GRID2: variants seen among roughly 807,000 people sequenced by gnomAD.
GRID2 encodes the protein glutamate receptor ionotropic, delta-2.
In GRID2, 33 loss-of-function variants were observed where a neutral mutation model predicts 114.8. The observed-to-expected ratio is 0.29, with a 90% confidence interval of 0.22 to 0.38. The LOEUF (loss-of-function observed/expected upper bound fraction) is 0.38. GRID2 is among the 10% of genes least tolerant of loss of function. GRID2 has a pLI of 1.00. For synonymous variants in GRID2, 505 were observed against 449.9 expected (o/e 1.12, Z -1.55); for missense variants, 1,184 against 1,257.7 (o/e 0.94, Z 0.89).
At chr4:92,495,188 T>C (rs557810681) in intron 1 of GRID2, among the ~76,000 whole-genome samples, 19 of 152,114 alleles carry the variant, frequency 1.2e-4, no homozygotes, top group Non-Finnish European at 2.1e-4. Context: ...TTTCTTCAGT[T>C]TCTTAACCAT....
chr4:92,716,285 A>G (rs191635263), intron 2 of GRID2, among the ~76,000 whole-genome samples: 78 of 152,202 alleles, frequency 5.1e-4, no homozygotes, highest in African/African-American at 1.9e-3. Context: ...AAAGACTTTC[A>G]TTTTTTAGCC....
In GRID2 at chr4:92,417,465, G is replaced by A. The variant is rs972421083; in HGVS notation, c.88+112721G>A. Among the ~76,000 whole-genome samples, 3 of 152,068 alleles carry A rather than the reference G, an allele frequency of 2.0e-5. No individual in the cohort carries two copies. In the East Asian group the frequency reaches 5.8e-4, roughly 29 times the overall value. ...AGCTCATAAGGCTCATAAGGATTCA[G>A]ATAGGGAAAATATAAAGCAATTACC... On this transcript the variant is annotated intron_variant, in intron 1 of 15. Transcript: ENST00000282020.
At chr4:92,609,476 G>T (rs1474491651) in intron 2 of GRID2, among the ~76,000 whole-genome samples, 2 of 151,356 alleles carry the variant, frequency 1.3e-5, no homozygotes, top group African/African-American at 4.8e-5. Flanking sequence ...TCATGATGAT[G>T]GTGAGGTGCC....
rs951700761 is a variant in GRID2 at position 92,687,689 on chromosome 4, C to A, written c.244+97403C>A. On this transcript the variant is annotated intron_variant, in intron 2 of 15. Transcript: ENST00000282020. Reference sequence around the variant, plus strand: ...CTAAAAATACAAAAAATTAGCTGGGCGTTGTGGCCCGCGCCTATAATCGCA... The same window carrying A: ...CTAAAAATACAAAAAATTAGCTGGGAGTTGTGGCCCGCGCCTATAATCGCA... Among the ~76,000 whole-genome samples, 80 of 151,912 alleles carry A rather than the reference C, an allele frequency of 5.3e-4. 1 individual carries two copies. Among genetic ancestry groups the A allele is most frequent in the Admixed American group, 1.7e-3 (26 of 15,230 alleles).
chr4:92,440,865 C>A (rs1351407876), intron 1 of GRID2, among the ~76,000 whole-genome samples: 1 of 152,024 alleles, frequency 6.6e-6, no homozygotes, highest in African/African-American at 2.4e-5. Context: ...GGGCCAGGAA[C>A]AACGGTAATT....
chr4:92,632,407 G>A (rs901507688), intron 2 of GRID2, among the ~76,000 whole-genome samples: 15 of 152,104 alleles, frequency 9.9e-5, no homozygotes, highest in African/African-American at 2.7e-4. Flanking sequence ...GCTGATGCAA[G>A]CATGTCACTT....
At chr4:93,268,546 C>G (rs1306967340) in intron 8 of GRID2, among the ~76,000 whole-genome samples, 1 of 152,122 alleles carries the variant, frequency 6.6e-6, no homozygotes, top group South Asian at 2.1e-4. Flanking sequence ...AGGACTACAT[C>G]ATTAGGTCAA....
chr4:93,002,868 C>T (rs1222717161), intron 2 of GRID2, among the ~76,000 whole-genome samples: 1 of 151,706 alleles, frequency 6.6e-6, no homozygotes, highest in Non-Finnish European at 1.5e-5. Context: ...AGGGGAGAAT[C>T]CATTTCTTCA....
intron 4 of GRID2, chr4:93,203,892 A>G (rs1042405807): frequency 1.3e-5 from 2 of 152,176 alleles, no homozygotes; most frequent in Non-Finnish European, 2.9e-5. Flanking sequence ...TTTATGAGTC[A>G]GGTTTGAAAG....
intron 1 of GRID2, among the ~76,000 whole-genome samples, chr4:92,469,638 TA>T (rs1721926515): frequency 6.6e-6 from 1 of 151,958 alleles, no homozygotes; most frequent in Non-Finnish European, 1.5e-5. Flanking sequence ...AGGCCGATTG[TA>T]ACCGATATCG....
At chr4:92,449,082 T>G (rs1397647433) in intron 1 of GRID2, among the ~76,000 whole-genome samples, 1 of 152,104 alleles carries the variant, frequency 6.6e-6, no homozygotes, top group Non-Finnish European at 1.5e-5. Flanking sequence ...CATGATTTAG[T>G]TAGCTATTTC....
At chr4:92,615,025 C>T (rs1340853422) in intron 2 of GRID2, among the ~76,000 whole-genome samples, 1 of 150,942 alleles carries the variant, frequency 6.6e-6, no homozygotes, top group African/African-American at 2.4e-5. Flanking sequence ...GGTCAGGCTA[C>T]CAAAAACCAA....
intron 12 of GRID2, among the ~76,000 whole-genome samples, chr4:93,493,833 T>C (rs1727268058): frequency 6.6e-6 from 1 of 151,824 alleles, no homozygotes; most frequent in Non-Finnish European, 1.5e-5. Flanking sequence ...TAACTTTGCA[T>C]TCATTTTTTT....
At chr4:92,705,271 A>C (rs1460800195) in intron 2 of GRID2, among the ~76,000 whole-genome samples, 3 of 152,208 alleles carry the variant, frequency 2.0e-5, no homozygotes, top group African/African-American at 4.8e-5. Context: ...TATTTCTGAC[A>C]CTTATTCTAT....
intron 2 of GRID2, among the ~76,000 whole-genome samples, chr4:92,602,756 G>A (rs193245972): frequency 7.1e-4 from 108 of 152,268 alleles, no homozygotes; most frequent in African/African-American, 2.2e-3. Flanking sequence ...AAGAGAGGAA[G>A]TCAAACTGTC....
chr4:93,515,265 C>A lies in GRID2; in HGVS notation c.2047C>A (p.Leu683Ile), dbSNP rs1369051511. 3.1e-6 allele frequency: 5 copies of A among 1,610,154 alleles called. No homozygotes were observed. Among genetic ancestry groups the A allele is most frequent in the Non-Finnish European group, 4.2e-6 (5 of 1,176,720 alleles). Residue 683 changes from leucine (L) to isoleucine (I), a missense_variant, in exon 13 of 16, where the codon CTA becomes ATA. Around this residue, in one of 3 missense-constraint regions of GRID2, gnomAD observed 717 missense variants for 796.9 expected, o/e 0.90. Coordinates refer to ENST00000282020, the MANE Select transcript of GRID2 (RefSeq NM_001510.4). ...AACAGAAATCCCTTATGGCACAGTC[C>A]TAGACTCTGCGGTATATGAGCATGT... ...KQTEIPYGTV[L>I]DSAVYEHVRM...
intron 2 of GRID2, among the ~76,000 whole-genome samples, chr4:92,612,287 A>G (rs1729792682): frequency 6.6e-6 from 1 of 151,438 alleles, no homozygotes; most frequent in Non-Finnish European, 1.5e-5. Context: ...ATAGGAGTCT[A>G]TTTCAGAATA....
At chr4:92,459,020 A>G (rs1721349098) in intron 1 of GRID2, among the ~76,000 whole-genome samples, 2 of 152,174 alleles carry the variant, frequency 1.3e-5, no homozygotes. Flanking sequence ...TTTTTATTTC[A>G]GTATCATTAT....
intron 1 of GRID2, among the ~76,000 whole-genome samples, chr4:92,546,290 T>A (rs1726256754): frequency 6.6e-6 from 1 of 152,152 alleles, no homozygotes; most frequent in Admixed American, 6.6e-5. Context: ...GGAAAAATAT[T>A]GTCTGCTTGT....
Sources: allele counts gnomAD v4.1 joint callset (sites outside exome capture counted in the v4.1 genomes callset), GRCh38; gene constraint gnomAD v4.1.1; regional missense constraint gnomAD v4.1.1; transcripts MANE v1.5; gene names NCBI Gene and HGNC (gene_info 2026-07-23, HGNC 2026-07-21).